KASH5: variants seen among roughly 807,000 people sequenced by gnomAD.
KASH5 encodes protein KASH5.
A neutral mutation model predicts 84.2 loss-of-function variants in KASH5; 72 were observed. The observed-to-expected ratio is 0.85, with a 90% CI of 0.71 to 1.04. KASH5 has a LOEUF of 1.04. KASH5 is among the 50% of genes least tolerant of loss of function. KASH5 has a pLI of 0.00. For missense variants in KASH5, 650 were observed against 701.0 expected (o/e 0.93, Z 0.82); for synonymous variants, 260 against 279.1 (o/e 0.93, Z 0.68).
At chr19:49,397,620 A>T (rs9304688) in intron 5 of KASH5, 31 bp from the exon 6 acceptor site, 1 of 1,609,566 alleles carries the variant, frequency 6.2e-7, no homozygotes, top group East Asian at 2.2e-5. Flanking sequence ...GTTCCAGGGA[A>T]GCCAACATTC....
rs79785583 is a variant in KASH5, at chr19:49,394,616, G to C, written c.148+36G>C. The C allele has an allele frequency of 1.7e-3, 2,623 of 1,515,582 alleles. 28 individuals carry two copies. In the African/African-American group the frequency reaches 0.031, roughly 18 times the overall value. The allele number at this position is 1,515,582 out of a possible 1,614,324, so 93.9% of individuals were successfully genotyped here. On this transcript the variant is annotated intron_variant, in intron 3 of 19. Transcript: ENST00000447857. ...CATGAGGGGTGCTGGGGACCAGTGCGGGCAGGATGGGGTGGAGGCTGGGAA... is the reference window on the plus strand; with the variant it reads ...CATGAGGGGTGCTGGGGACCAGTGCCGGCAGGATGGGGTGGAGGCTGGGAA...
chr19:49,398,047 G>C lies in KASH5; in HGVS notation c.533G>C (p.Gly178Ala). 1.9e-6 allele frequency: 3 copies of C among 1,613,860 alleles called. No individual in the cohort carries two copies. The South Asian group carries it at 3.3e-5, about 18-fold the overall frequency. Residue 178 changes from glycine to alanine, a missense_variant, in exon 7 of 20, where the codon GGG becomes GCG. Physicochemically the swap from Gly to Ala is moderately conservative, Grantham distance 60. Transcript: ENST00000447857. The part of the protein sequence containing the change: ...DLELSNRRLV[G>A]ENAKLQRSME... ...GAGCTCAGCAACCGACGTCTGGTTGGGGAGAATGCCAAATTGCAGCGGAGC... is the reference window on the plus strand; with the variant it reads ...GAGCTCAGCAACCGACGTCTGGTTGCGGAGAATGCCAAATTGCAGCGGAGC...
rs10421748 is a variant in KASH5 at position 49,398,061 on chromosome 19, T to C, written c.547T>C (p.Leu183=). The C allele has an allele frequency of 0.54, 874,414 of 1,613,012 alleles. 238,452 individuals carry two copies. Among genetic ancestry groups the C allele is most frequent in the South Asian group, 0.64 (58,354 of 91,026 alleles). Residue 183 remains leucine (L), a synonymous_variant, in exon 7 of 20, where the codon TTG becomes CTG. Coordinates refer to ENST00000447857, the MANE Select transcript of KASH5 (RefSeq NM_144688.5). ...ACGTCTGGTTGGGGAGAATGCCAAA[T>C]TGCAGCGGAGCATGGAGACAGCTGA... ...NRRLVGENAK[L]QRSMETAEEG... is the part of the protein sequence containing the mutation.
chr19:49,399,641 C>A lies in KASH5; in HGVS notation c.798+134C>A. 2.0e-6 allele frequency: 3 copies of A among 1,525,638 alleles called. No homozygotes were observed. Among genetic ancestry groups the A allele is most frequent in the South Asian group, 1.2e-5 (1 of 81,278 alleles). 94.5% of individuals were successfully genotyped at this position (1,525,638 alleles called of 1,614,324 possible). On this transcript the variant is annotated intron_variant, in intron 9 of 19. Coordinates refer to ENST00000447857, the MANE Select transcript of KASH5 (RefSeq NM_144688.5). The surrounding 1 kb of genome is among the most constrained non-coding windows in gnomAD (Gnocchi z 4.4). ...CAGAATGTCAGTAGTGTGGGAATGT[C>A]CCTGAGGTTATATCACACTGTGAGA...
intron 11 of KASH5, 33 bp from the exon 12 acceptor site, chr19:49,407,579 G>A: frequency 6.4e-7 from 1 of 1,563,128 alleles, no homozygotes. Context: ...TGGGGAACTG[G>A]TCCCAGTCTC....
chr19:49,411,607 T>C (rs1947360131), intron 15 of KASH5, among the ~76,000 whole-genome samples: 1 of 152,144 alleles, frequency 6.6e-6, no homozygotes, highest in Non-Finnish European at 1.5e-5. Context: ...CAGATGCCCC[T>C]GAGAGACAGG....
chr19:49,403,996 T>C (rs1240206960), intron 9 of KASH5, among the ~76,000 whole-genome samples: 1 of 152,246 alleles, frequency 6.6e-6, no homozygotes, highest in Non-Finnish European at 1.5e-5. Context: ...CCTACAGAGC[T>C]GTCTCAGGTT....
intron 9 of KASH5, among the ~76,000 whole-genome samples, chr19:49,404,934 G>C (rs1974476481): frequency 6.6e-6 from 1 of 152,162 alleles, no homozygotes; most frequent in African/African-American, 2.4e-5. Context: ...CATAACCACA[G>C]GGAACAAGAG....
In KASH5 at chr19:49,399,142, G is replaced by A. The variant is rs200723797; in HGVS notation, c.747G>A (p.Ala249=). The A allele has an allele frequency of 1.4e-3, 2,106 of 1,548,766 alleles. 1 individual carries two copies. Among genetic ancestry groups the A allele is most frequent in the Non-Finnish European group, 1.7e-3 (1,997 of 1,145,880 alleles). The part of the protein sequence containing the change: ...NRSLLAQARQ[A]EKEQQHLVAE... ...GCCTTCTGGCCCAAGCCCGGCAGGC[G>A]GTGGGTCTGGCCCAGGGGAAGGAAG... is the stretch of plus-strand genomic sequence containing the variant. The change falls in exon 8 of 20, where the codon GCG becomes GCA. Residue 249 remains alanine (A), a splice_region_variant and synonymous_variant. Coordinates refer to ENST00000447857, the MANE Select transcript of KASH5 (RefSeq NM_144688.5). The surrounding 1 kb of genome is among the most constrained non-coding windows in gnomAD (Gnocchi z 4.4).
intron 2 of KASH5, chr19:49,393,214 C>A (rs948325170): frequency 6.6e-6 from 1 of 152,164 alleles, no homozygotes; most frequent in African/African-American, 2.4e-5. Context: ...GTAGACAGTT[C>A]ATGTAAAGTG....
intron 9 of KASH5, among the ~76,000 whole-genome samples, chr19:49,405,398 A>C (rs1226407195): frequency 6.6e-6 from 1 of 151,038 alleles, no homozygotes; most frequent in Non-Finnish European, 1.5e-5. Flanking sequence ...CGGAGGTTGC[A>C]GTGAGCCGAG....
rs1348291721 is a variant in KASH5 at position 49,395,189 on chromosome 19, G to C, written c.232G>C (p.Ala78Pro). The part of the protein sequence containing the change: ...GPQDARLQTL[A>P]NSLDPNGEGP... Reference sequence around the variant, plus strand: ...CCAGGATGCACGCCTCCAAACATTGGCCAACAGCCTGGACCCCAATGGGGA... The same window carrying C: ...CCAGGATGCACGCCTCCAAACATTGCCCAACAGCCTGGACCCCAATGGGGA... Residue 78 changes from alanine to proline, a missense_variant, in exon 4 of 20, where the codon GCC (alanine) becomes CCC (proline). By Grantham distance (27) the Ala-to-Pro change is conservative (BLOSUM62 -1). Transcript: ENST00000447857. The surrounding 1 kb of genome is among the most constrained non-coding windows in gnomAD (Gnocchi z 4.4). 2.5e-6 allele frequency: 4 copies of C among 1,613,002 alleles called. No individual in the cohort carries two copies. Among genetic ancestry groups the C allele is most frequent in the Non-Finnish European group, 2.5e-6 (3 of 1,179,526 alleles).
chr19:49,406,871 C>T lies in KASH5; in HGVS notation c.799-15C>T, dbSNP rs1974542734. 2 of 1,599,264 alleles carry T rather than the reference C, an allele frequency of 1.3e-6. No homozygotes were observed. The highest frequency in any genetic ancestry group is 1.7e-6 in the Non-Finnish European group (2 of 1,172,692). On this transcript the variant is annotated splice_polypyrimidine_tract_variant and intron_variant, in intron 9 of 19. Coordinates refer to ENST00000447857, the MANE Select transcript of KASH5 (RefSeq NM_144688.5). ...ACTTGCTGGAATGAACGTGACCAGC[C>T]ATTCCTTCTTCTAGAACGGGAAGCT... is the stretch of plus-strand genomic sequence containing the variant.
rs192322435 is a variant in KASH5, at chr19:49,410,132, G to A, written c.1269+257G>A. ...CACAAGTTGCACTGTGGCTTTTATTGTTGGTTTGTTTTTTAGAAAACACTC... is the reference window on the plus strand; with the variant it reads ...CACAAGTTGCACTGTGGCTTTTATTATTGGTTTGTTTTTTAGAAAACACTC... On this transcript the variant is annotated intron_variant, in intron 15 of 19. Transcript: ENST00000447857. Among the ~76,000 whole-genome samples, 12 of 152,284 alleles carry A rather than the reference G, an allele frequency of 7.9e-5. No homozygotes were observed. In the East Asian group the frequency reaches 2.3e-3, roughly 29 times the overall value.
chr19:49,390,925 A>T lies in KASH5; in HGVS notation c.42A>T (p.Glu14Asp), dbSNP rs377465889. ...PEGPVGGPTA[E>D]MYLRERPEEA... ...GCCCGGTGGGTGGCCCCACTGCGGA[A>T]AGTAAGTGGCTGGAACCCTATTTGC... is the stretch of plus-strand genomic sequence containing the variant. The change falls in exon 2 of 20, where the codon GAA (glutamate) becomes GAT (aspartate). Residue 14 changes from glutamate (E) to aspartate (D), a missense_variant and splice_region_variant. Coordinates refer to ENST00000447857, the MANE Select transcript of KASH5 (RefSeq NM_144688.5). 2.5e-6 allele frequency: 4 copies of T among 1,605,386 alleles called. No individual in the cohort carries two copies. The African/African-American group carries it at 4.0e-5, about 16-fold the overall frequency.
In KASH5 at chr19:49,417,390, C is replaced by T. The variant is rs182291239; in HGVS notation, c.1569C>T (p.Ile523=). The change falls in exon 20 of 20, where the codon ATC becomes ATT. Residue 523 remains isoleucine, a synonymous_variant. Transcript: ENST00000447857. This position sits in a 1 kb window ranked among gnomAD's most constrained non-coding sequence, Gnocchi z 5.2. ...CCAGAGTCACTCGACATCCACTGATCCCAGCTCCTGTCCTGGGCCTGCTGC... is the reference window on the plus strand; with the variant it reads ...CCAGAGTCACTCGACATCCACTGATTCCAGCTCCTGTCCTGGGCCTGCTGC... ...QRLRVTRHPL[I]PAPVLGLLLL... is the part of the protein sequence containing the mutation. 110 of 1,554,320 alleles carry T rather than the reference C, an allele frequency of 7.1e-5. 2 individuals carry two copies. The East Asian group carries it at 1.6e-3, about 23-fold the overall frequency.
At chr19:49,406,253 G>T (rs1429641113) in intron 9 of KASH5, among the ~76,000 whole-genome samples, 1 of 152,046 alleles carries the variant, frequency 6.6e-6, no homozygotes, top group Non-Finnish European at 1.5e-5. Flanking sequence ...TTGTTCTTTT[G>T]ATTTTAAAAT....
Position 49,395,883 on chromosome 19 carries a change from T to A in KASH5, c.400+50T>A. 6.8e-7 allele frequency: 1 copy of A among 1,478,868 alleles called. No individual in the cohort carries two copies. The allele number at this position is 1,478,868 out of a possible 1,614,324, so 91.6% of individuals were successfully genotyped here. On this transcript the variant is annotated intron_variant, in intron 5 of 19. Transcript: ENST00000447857. This position sits in a 1 kb window ranked among gnomAD's most constrained non-coding sequence, Gnocchi z 4.4. Reference sequence around the variant, plus strand: ...AGCAGGCAGGCCCTGGGTCAGACAGTGTGGGGACTTACCACCCAGGGCAGA... The same window carrying A: ...AGCAGGCAGGCCCTGGGTCAGACAGAGTGGGGACTTACCACCCAGGGCAGA...
chr19:49,403,096 A>G (rs990739460), intron 9 of KASH5, among the ~76,000 whole-genome samples: 1 of 152,030 alleles, frequency 6.6e-6, no homozygotes, highest in Non-Finnish European at 1.5e-5. Context: ...GGTGGCTCAC[A>G]CCTGTAATCC....
Sources: gnomAD v4.1 joint callset for allele counts (sites outside exome capture counted in the v4.1 genomes callset) on GRCh38, gnomAD v4.1.1 for gene constraint, Gnocchi (gnomAD v3.1) non-coding constraint, MANE v1.5 for transcripts, NCBI Gene and HGNC (gene_info 2026-07-23, HGNC 2026-07-21) for gene names.